Variants in BRINP3 observed in about 807,000 individuals in gnomAD.
BRINP3 encodes BMP/retinoic acid inducible neural specific 3.
BRINP3 carries 19 observed loss-of-function variants against 71.0 expected under a neutral mutation model. The ratio of observed to expected loss-of-function variants is 0.27; its 90% CI spans 0.19 to 0.39. The LOEUF (loss-of-function observed/expected upper bound fraction) is 0.39, where lower values mean the gene tolerates loss of function less well. Ranked by LOEUF, BRINP3 falls within the 10% of genes least tolerant of loss-of-function variation. The probability of loss-of-function intolerance (pLI) is 1.00; values close to 1 mark genes in which losing one functional copy is unlikely to be tolerated. For missense variants in BRINP3, 959 were observed against 940.8 expected (o/e 1.02, Z -0.25); for synonymous variants, 380 against 337.7 (o/e 1.13, Z -1.37).
chr1:190,133,709 C>T (rs1331717341), intron 7 of BRINP3, among the ~76,000 whole-genome samples: 1 of 151,968 alleles, frequency 6.6e-6, no homozygotes. Flanking sequence ...CATACTTGTA[C>T]ATCATTACAT....
At chr1:190,279,031 C>A (rs1271197715) in intron 3 of BRINP3, among the ~76,000 whole-genome samples, 1 of 151,686 alleles carries the variant, frequency 6.6e-6, no homozygotes, top group African/African-American at 2.4e-5. Context: ...TTTCCTCTGT[C>A]TTTTCCTTCT....
chr1:190,408,558 A>G (rs1672456656), intron 2 of BRINP3, among the ~76,000 whole-genome samples: 1 of 152,186 alleles, frequency 6.6e-6, no homozygotes, highest in South Asian at 2.1e-4. Flanking sequence ...AGATCTTAAC[A>G]TAGTAAACAT....
At chr1:190,350,943 C>G (rs997371008) in intron 2 of BRINP3, among the ~76,000 whole-genome samples, 2 of 151,828 alleles carry the variant, frequency 1.3e-5, no homozygotes, top group Admixed American at 1.3e-4. Context: ...CTGCCTCAGC[C>G]TCCCAAGTAG....
chr1:190,236,819 A>C (rs746032289), intron 4 of BRINP3, among the ~76,000 whole-genome samples: 4 of 151,972 alleles, frequency 2.6e-5, no homozygotes, highest in Non-Finnish European at 5.9e-5. Flanking sequence ...AGATAATTTA[A>C]ATTTTCATAT....
At chr1:190,320,297 A>AT (rs1044803328) in intron 2 of BRINP3, among the ~76,000 whole-genome samples, 6 of 152,016 alleles carry the variant, frequency 3.9e-5, no homozygotes, top group African/African-American at 1.4e-4. Flanking sequence ...TATTTACTCG[A>AT]TTTTTAGTGA....
chr1:190,110,222 C>T (rs1652546576), intron 7 of BRINP3, among the ~76,000 whole-genome samples: 1 of 151,990 alleles, frequency 6.6e-6, no homozygotes, highest in Non-Finnish European at 1.5e-5. Flanking sequence ...CACCAGATAC[C>T]TCATAAGTTA....
chr1:190,155,728 G>A (rs1656804685), intron 7 of BRINP3, among the ~76,000 whole-genome samples: 1 of 152,018 alleles, frequency 6.6e-6, no homozygotes, highest in Non-Finnish European at 1.5e-5. Flanking sequence ...TCCTGAGTGA[G>A]TAAGTTCTCA....
chr1:190,125,215 G>C (rs1026342398), intron 7 of BRINP3, among the ~76,000 whole-genome samples: 1 of 151,792 alleles, frequency 6.6e-6, no homozygotes, highest in Non-Finnish European at 1.5e-5. Context: ...ACAGAGTAAA[G>C]AGCTCTGTCA....
chr1:190,121,401 C>CAA (rs1653644130), intron 7 of BRINP3, among the ~76,000 whole-genome samples: 1 of 151,954 alleles, frequency 6.6e-6, no homozygotes, highest in Admixed American at 6.6e-5. Flanking sequence ...TTAAGAAAAA[C>CAA]AGCACACATT....
intron 2 of BRINP3, among the ~76,000 whole-genome samples, chr1:190,340,523 G>A (rs1193866092): frequency 6.6e-6 from 1 of 151,722 alleles, no homozygotes; most frequent in Non-Finnish European, 1.5e-5. Flanking sequence ...AATATCTCTG[G>A]AATTATGAAC....
intron 3 of BRINP3, among the ~76,000 whole-genome samples, chr1:190,280,375 G>T (rs1475950386): frequency 1.3e-5 from 2 of 151,880 alleles, no homozygotes; most frequent in African/African-American, 2.4e-5. Flanking sequence ...TAAGTGGCCA[G>T]TTCTAGGTTT....
intron 6 of BRINP3, among the ~76,000 whole-genome samples, chr1:190,173,038 C>T (rs1472906940): frequency 6.6e-6 from 1 of 152,174 alleles, no homozygotes; most frequent in Admixed American, 6.5e-5. Context: ...CCTTCATCTT[C>T]TCTACATCTT....
Position 190,199,496 on chromosome 1 carries a change from G to A in BRINP3, c.961+26586C>T, listed in dbSNP as rs150450969. On this transcript the variant is annotated intron_variant, in intron 6 of 7. Transcript: ENST00000367462. ...CCAACCTCAACCCTTTGGCTCTAAT[G>A]GTTAGTTTAGTATTATGCAGATACC... 5.5e-3 allele frequency among the ~76,000 whole-genome samples: 832 copies of A among 152,062 alleles called. 6 individuals are homozygous for A. The highest frequency in any genetic ancestry group is 0.018 in the African/African-American group (759 of 41,514).
intron 7 of BRINP3, among the ~76,000 whole-genome samples, chr1:190,138,626 T>C (rs548833873): frequency 2.0e-5 from 3 of 152,062 alleles, no homozygotes; most frequent in Non-Finnish European, 4.4e-5. Context: ...GAGAAATAAT[T>C]GAACGCTGTG....
chr1:190,318,203 T>C (rs890001244), intron 2 of BRINP3, among the ~76,000 whole-genome samples: 1 of 152,110 alleles, frequency 6.6e-6, no homozygotes, highest in Non-Finnish European at 1.5e-5. Flanking sequence ...ATAATACCTG[T>C]ATTTGCATCT....
chr1:190,327,338 AAAAAAAAAAAAAGG>A (rs1289870510), intron 2 of BRINP3, among the ~76,000 whole-genome samples: 3 of 145,210 alleles, frequency 2.1e-5, no homozygotes, highest in African/African-American at 2.5e-5. Flanking sequence ...AAAAAAAAAA[AAAAAAAAAAAAAGG>A]AAAAAAAAAA....
chr1:190,141,029 G>A (rs1285764215), intron 7 of BRINP3, among the ~76,000 whole-genome samples: 1 of 152,156 alleles, frequency 6.6e-6, no homozygotes, highest in Admixed American at 6.5e-5. Flanking sequence ...AGCAACAGGT[G>A]CAGAATTATA....
At chr1:190,464,802 A>G (rs1676630470) in intron 1 of BRINP3, among the ~76,000 whole-genome samples, 1 of 151,954 alleles carries the variant, frequency 6.6e-6, no homozygotes, top group South Asian at 2.1e-4. Flanking sequence ...GCATTCTTCT[A>G]GTCATATAAC....
chr1:190,315,904 A>G (rs1041379413), intron 2 of BRINP3, among the ~76,000 whole-genome samples: 7 of 152,152 alleles, frequency 4.6e-5, no homozygotes, highest in African/African-American at 1.7e-4. Context: ...AATACTTCCC[A>G]GCCTCTCATG....
Sources: gnomAD v4.1 joint callset for allele counts (sites outside exome capture counted in the v4.1 genomes callset) on GRCh38, gnomAD v4.1.1 for gene constraint, MANE v1.5 for transcripts, NCBI Gene and HGNC (gene_info 2026-07-23, HGNC 2026-07-21) for gene names.